BARD1: variants seen among roughly 807,000 people sequenced by gnomAD.
BARD1 encodes the protein BRCA1-associated RING domain protein 1.
Under a neutral mutation model 77.0 loss-of-function variants are expected in BARD1, and 73 were observed. The observed-to-expected ratio is 0.95, with a 90% confidence interval of 0.79 to 1.15. The LOEUF is 1.15. Among genes scored for constraint, BARD1 ranks in the 50% most tolerant of loss-of-function variants. The probability of loss-of-function intolerance (pLI) is 0.00; values close to 1 mark genes in which losing one functional copy is unlikely to be tolerated. For synonymous variants in BARD1, 384 were observed against 338.0 expected (o/e 1.14, Z -1.49); for missense variants, 993 against 938.8 (o/e 1.06, Z -0.75).
chr2:214,783,342 G>C (rs1381600514), intron 3 of BARD1, among the ~76,000 whole-genome samples: 1 of 152,120 alleles, frequency 6.6e-6, no homozygotes, highest in African/African-American at 2.4e-5. Context: ...GATTTTTAAA[G>C]AAAATGTGGC....
At chr2:214,753,592 CAG>C (rs1444381630) in intron 6 of BARD1, among the ~76,000 whole-genome samples, 2 of 151,966 alleles carry the variant, frequency 1.3e-5, no homozygotes, top group African/African-American at 2.4e-5. Context: ...TGGAAGGAAA[CAG>C]AGAGAAACAT....
chr2:214,780,437 G>C (rs371993665), intron 4 of BARD1, 123 bp downstream of exon 4: 4 of 847,252 alleles, frequency 4.7e-6, no homozygotes, highest in South Asian at 1.5e-5. Context: ...TGGTTCAGAG[G>C]AAGTATCATG....
intron 6 of BARD1, among the ~76,000 whole-genome samples, chr2:214,758,557 T>C (rs1468055584): frequency 6.6e-6 from 1 of 152,220 alleles, no homozygotes; most frequent in Non-Finnish European, 1.5e-5. Flanking sequence ...AAGTATAGAA[T>C]TATGTCTTCT....
At chr2:214,787,859 A>G (rs1695341982) in intron 3 of BARD1, among the ~76,000 whole-genome samples, 2 of 152,130 alleles carry the variant, frequency 1.3e-5, no homozygotes, top group South Asian at 4.1e-4. Flanking sequence ...CTTTCAAGTT[A>G]TTCTCTATTA....
At chr2:214,797,954 C>A (rs75465879) in intron 1 of BARD1, among the ~76,000 whole-genome samples, 2,350 of 152,184 alleles carry the variant, frequency 0.015, 22 homozygotes, top group Non-Finnish European at 0.023. Context: ...AATAAATACA[C>A]ACCAAGACAT....
intron 7 of BARD1, 56 bp downstream of exon 7, chr2:214,752,391 T>C: frequency 6.8e-6 from 10 of 1,472,902 alleles, no homozygotes; most frequent in Non-Finnish European, 9.5e-6. Context: ...TTATGTTCCT[T>C]TCATAACCAA....
At chr2:214,800,978 A>T (rs1370221948) in intron 1 of BARD1, among the ~76,000 whole-genome samples, 4 of 152,152 alleles carry the variant, frequency 2.6e-5, no homozygotes, top group African/African-American at 9.7e-5. Context: ...AATGGAAAAA[A>T]AAATAAATAG....
At chr2:214,733,147 A>C (rs1692429393) in intron 9 of BARD1, among the ~76,000 whole-genome samples, 1 of 152,040 alleles carries the variant, frequency 6.6e-6, no homozygotes, top group Admixed American at 6.5e-5. Flanking sequence ...AGTTAAAGTG[A>C]ACCACTTCCT....
intron 6 of BARD1, among the ~76,000 whole-genome samples, chr2:214,762,118 T>C (rs1219572465): frequency 6.6e-6 from 1 of 152,194 alleles, no homozygotes; most frequent in African/African-American, 2.4e-5. Context: ...TGGAAACTTT[T>C]TGAGCACCAA....
Position 214,727,830 on chromosome 2 carries a change from G to C in BARD1, c.*846C>G, listed in dbSNP as rs1388939691. 1 of 222,780 alleles carries C rather than the reference G, an allele frequency of 4.5e-6. No individual in the cohort carries two copies. The highest frequency in any genetic ancestry group is 9.0e-6 in the Non-Finnish European group (1 of 111,730). The allele number at this position is 222,780 out of a possible 1,614,324, so 13.8% of individuals were successfully genotyped here. On this transcript the variant is annotated 3_prime_UTR_variant, in exon 11 of 11. Transcript: ENST00000260947. ...ATACCAACAAGGTTTACCAGAAGAA[G>C]ACTGCTTCTTAATTTAAAGTAATGA...
At chr2:214,770,982 C>T (rs1694456632) in intron 4 of BARD1, among the ~76,000 whole-genome samples, 1 of 152,168 alleles carries the variant, frequency 6.6e-6, no homozygotes, top group Admixed American at 6.5e-5. Context: ...TCCGTTAACT[C>T]TTAAAGCCTT....
At position 214,730,409 on chromosome 2, in the gene BARD1, A is replaced by G. The variant is rs567493750; in HGVS notation, c.2001+2T>C. On this transcript the variant is annotated splice_donor_variant, in intron 10 of 10. Transcript: ENST00000260947. LOFTEE classifies it high-confidence loss of function. ...ATGAAAGTTGTATTAAAAGAAAAAT[A>G]CCAGCTGTTCTCTGTTGAGCCTGCT... The G allele has an allele frequency of 6.2e-7, 1 of 1,611,710 alleles. No homozygotes were observed. Among genetic ancestry groups the G allele is most frequent in the South Asian group, 1.1e-5 (1 of 91,036 alleles).
intron 4 of BARD1, 63 bp downstream of exon 4, chr2:214,780,497 T>C: frequency 7.0e-7 from 1 of 1,436,962 alleles, no homozygotes; most frequent in Non-Finnish European, 9.7e-7. Context: ...TTTCAAAAAC[T>C]GCAAAGAAAT....
At position 214,726,258 on chromosome 2, in the gene BARD1, CAG is replaced by C. The variant is rs1450996038; in HGVS notation, c.*2416_*2417del. 4 of 201,468 alleles carry C rather than the reference CAG, an allele frequency of 2.0e-5. No homozygotes were observed. Among genetic ancestry groups the C allele is most frequent in the Admixed American group, 6.0e-5 (1 of 16,626 alleles). The allele number at this position is 201,468 out of a possible 1,614,324, so 12.5% of individuals were successfully genotyped here. ...TGAGATAGATATGGTAAAGTATTAG[CAG>C]AGACAGAAAAATAGCTACAAAGTGG... On this transcript the variant is annotated 3_prime_UTR_variant, in exon 11 of 11. Coordinates refer to ENST00000260947, the MANE Select transcript of BARD1 (RefSeq NM_000465.4).
At position 214,781,512 on chromosome 2, in the gene BARD1, G is replaced by T; in HGVS notation, c.365-3C>A. The T allele has an allele frequency of 1.2e-6, 2 of 1,602,720 alleles. No individual in the cohort carries two copies. The highest frequency in any genetic ancestry group is 1.1e-5 in the South Asian group (1 of 89,498). ...CCTAGGTTTATCTTCTTTCAAATCT[G>T]ACAGAAAAAAAGAAAAAGAAATCTG... On this transcript the variant is annotated splice_polypyrimidine_tract_variant and splice_region_variant and intron_variant, in intron 3 of 10. Transcript: ENST00000260947.
At chr2:214,792,982 A>C (rs999400317) in intron 2 of BARD1, among the ~76,000 whole-genome samples, 2 of 152,116 alleles carry the variant, frequency 1.3e-5, no homozygotes, top group African/African-American at 4.8e-5. Context: ...GAGTTTTTCT[A>C]ATTTTGGGGT....
chr2:214,780,832 CA>C lies in BARD1; in HGVS notation c.1041del (p.Phe347LeufsTer53). Reference sequence around the variant, plus strand: ...TTTTCTGAGGGCACCGTTTGCTTAACAAAATCTCCACTGGTGCTCAGAATGC... The same window carrying C: ...TTTTCTGAGGGCACCGTTTGCTTAACAAATCTCCACTGGTGCTCAGAATGC... ...RTSILSTSGD[F>X]VKQTVPSENI... On this transcript the variant is annotated frameshift_variant, in exon 4 of 11. Coordinates refer to ENST00000260947, the MANE Select transcript of BARD1 (RefSeq NM_000465.4). LOFTEE classifies it high-confidence loss of function. 1 of 1,614,142 alleles carries C rather than the reference CA, an allele frequency of 6.2e-7. No homozygotes were observed. The highest frequency in any genetic ancestry group is 8.5e-7 in the Non-Finnish European group (1 of 1,179,998).
At chr2:214,767,276 A>T in intron 6 of BARD1, among the ~76,000 whole-genome samples, 1 of 151,178 alleles carries the variant, frequency 6.6e-6, no homozygotes, top group Non-Finnish European at 1.5e-5. Flanking sequence ...CCTCAAGTGT[A>T]GAACCCAAGA....
At chr2:214,731,733 G>A (rs913563015) in intron 9 of BARD1, among the ~76,000 whole-genome samples, 1 of 152,110 alleles carries the variant, frequency 6.6e-6, no homozygotes, top group Non-Finnish European at 1.5e-5. Flanking sequence ...ATCACTGAGG[G>A]TAGGAACCAT....
Sources: allele counts gnomAD v4.1 joint callset (sites outside exome capture counted in the v4.1 genomes callset), GRCh38; gene constraint gnomAD v4.1.1; transcripts MANE v1.5; gene names NCBI Gene and HGNC (gene_info 2026-07-23, HGNC 2026-07-21).